NTM: variants seen among roughly 807,000 people sequenced by gnomAD.
NTM encodes the protein neurotrimin, also known as IgLON family member 2.
NTM carries 13 observed loss-of-function variants against 42.1 expected under a neutral mutation model. The ratio of observed to expected loss-of-function variants is 0.31; its 90% CI spans 0.20 to 0.49. The LOEUF (loss-of-function observed/expected upper bound fraction) is 0.49, where lower values mean the gene tolerates loss of function less well. Among genes scored for constraint, NTM ranks in the 20% least tolerant of loss-of-function variants. The pLI is 0.99. For synonymous variants in NTM, 187 were observed against 179.2 expected (o/e 1.04, Z -0.35); for missense variants, 373 against 452.8 (o/e 0.82, Z 1.60).
At chr11:132,252,143 G>A (rs1239471015) in intron 4 of NTM, among the ~76,000 whole-genome samples, 2 of 151,264 alleles carry the variant, frequency 1.3e-5, no homozygotes, top group East Asian at 1.9e-4. Context: ...TGGCCGCTCA[G>A]CGTCAGTTCT....
At chr11:131,486,566 T>A (rs1448008584) in intron 1 of NTM, among the ~76,000 whole-genome samples, 1 of 152,162 alleles carries the variant, frequency 6.6e-6, no homozygotes, top group African/African-American at 2.4e-5. Context: ...ATTCCCAGAT[T>A]GAGTTTTTCT....
At chr11:131,832,789 C>T (rs928186018) in intron 1 of NTM, among the ~76,000 whole-genome samples, 3 of 152,110 alleles carry the variant, frequency 2.0e-5, no homozygotes, top group Non-Finnish European at 2.9e-5. Flanking sequence ...TATGTATGTA[C>T]GTGCATATGT....
chr11:132,240,402 A>G (rs1367761399), intron 4 of NTM, among the ~76,000 whole-genome samples: 4 of 152,348 alleles, frequency 2.6e-5, no homozygotes. Context: ...TAATTTTGAA[A>G]TGGTGATTCT....
At chr11:132,035,981 T>G (rs2076466888) in intron 2 of NTM, among the ~76,000 whole-genome samples, 1 of 152,142 alleles carries the variant, frequency 6.6e-6, no homozygotes, top group Non-Finnish European at 1.5e-5. Flanking sequence ...AGCTGCATCA[T>G]TACGCGGGGG....
At chr11:132,251,423 C>T (rs1295265965) in intron 4 of NTM, among the ~76,000 whole-genome samples, 1 of 152,154 alleles carries the variant, frequency 6.6e-6, no homozygotes, top group Admixed American at 6.5e-5. Flanking sequence ...CTGTCTCATC[C>T]AGTTCCTTTG....
intron 1 of NTM, among the ~76,000 whole-genome samples, chr11:131,845,277 T>C (rs2044754030): frequency 6.6e-6 from 1 of 152,158 alleles, no homozygotes; most frequent in East Asian, 1.9e-4. Flanking sequence ...ACTAATTACA[T>C]CCAGAACCTG....
In NTM at chr11:132,307,766, A is replaced by G. The variant is rs756899379; in HGVS notation, c.604A>G (p.Ser202Gly). 1 of 1,614,104 alleles carries G rather than the reference A, an allele frequency of 6.2e-7. No individual in the cohort carries two copies. The highest frequency in any genetic ancestry group is 1.3e-5 in the African/African-American group (1 of 74,944). The change falls in exon 5 of 9, where the codon AGT becomes GGT. Residue 202 changes from serine to glycine, a missense_variant. This residue lies in a region of NTM where 312 missense variants were observed against 353.5 expected (regional missense o/e 0.88). Coordinates refer to ENST00000683400, the MANE Select transcript of NTM (RefSeq NM_001352005.2). ...GGAGCAGTCAGGGGACTACGAGTGCAGTGCCTCCAATGACGTGGCCGCGCC... is the reference window on the plus strand; with the variant it reads ...GGAGCAGTCAGGGGACTACGAGTGCGGTGCCTCCAATGACGTGGCCGCGCC... ...TREQSGDYEC[S>G]ASNDVAAPVV... is the part of the protein sequence containing the mutation.
intron 1 of NTM, among the ~76,000 whole-genome samples, chr11:131,786,207 T>C (rs1470655069): frequency 6.6e-6 from 1 of 152,150 alleles, no homozygotes; most frequent in Non-Finnish European, 1.5e-5. Context: ...TTAAGACAGG[T>C]CTTGGAGCTG....
intron 2 of NTM, among the ~76,000 whole-genome samples, chr11:132,074,768 A>G (rs190673051): frequency 6.6e-6 from 1 of 152,342 alleles, no homozygotes; most frequent in Admixed American, 6.5e-5. Context: ...CACAGTATGG[A>G]TAAGTTCTGG....
In NTM at chr11:131,795,877, G is replaced by T. The variant is rs190967479; in HGVS notation, c.83-115687G>T. 3.3e-4 allele frequency: 327 copies of T among 982,454 alleles called. 1 individual carries two copies. The Admixed American group carries it at 9.3e-3, about 28-fold the overall frequency. 60.9% of individuals were successfully genotyped at this position (982,454 alleles called of 1,614,324 possible). A position where few individuals can be genotyped will look rare whatever the true frequency, so the allele number is the denominator to read the frequency against. Reference sequence around the variant, plus strand: ...AGGGTGCTCCTGAACCATAGAGACCGCCTGCCTTGTCTAGTGTGGAGGGAT... The same window carrying T: ...AGGGTGCTCCTGAACCATAGAGACCTCCTGCCTTGTCTAGTGTGGAGGGAT... On this transcript the variant is annotated intron_variant, in intron 1 of 8. Transcript: ENST00000683400.
intron 1 of NTM, among the ~76,000 whole-genome samples, chr11:131,693,853 G>A (rs1204889727): frequency 2.0e-5 from 3 of 152,218 alleles, no homozygotes; most frequent in African/African-American, 7.2e-5. Context: ...AGCGAGAGAG[G>A]AGAAGCTGCT....
At chr11:132,010,878 ATAT>A (rs1031895760) in intron 2 of NTM, among the ~76,000 whole-genome samples, 2 of 151,962 alleles carry the variant, frequency 1.3e-5, no homozygotes, top group African/African-American at 4.8e-5. Flanking sequence ...GACTGAGGTT[ATAT>A]TCGCAGCTCT....
chr11:131,919,951 G>C (rs1365506777), intron 2 of NTM, among the ~76,000 whole-genome samples: 1 of 152,154 alleles, frequency 6.6e-6, no homozygotes, highest in Non-Finnish European at 1.5e-5. Flanking sequence ...TCTGTTTAGA[G>C]ATTCTTCAGT....
intron 1 of NTM, among the ~76,000 whole-genome samples, chr11:131,492,315 A>G (rs1417180677): frequency 2.0e-5 from 3 of 151,676 alleles, no homozygotes; most frequent in African/African-American, 7.2e-5. Context: ...TCACCCAGCT[A>G]TCAGTGGTGG....
At chr11:132,142,844 C>G (rs187214113) in intron 2 of NTM, among the ~76,000 whole-genome samples, 3 of 152,138 alleles carry the variant, frequency 2.0e-5, no homozygotes, top group African/African-American at 7.2e-5. Flanking sequence ...CCCTGTAGTG[C>G]GGTGCAGTGT....
intron 1 of NTM, among the ~76,000 whole-genome samples, chr11:131,752,529 C>G (rs1333965095): frequency 1.1e-4 from 16 of 152,142 alleles, no homozygotes; most frequent in Admixed American, 9.8e-4. Flanking sequence ...TTCAGCAATC[C>G]CATTACTGGG....
At chr11:131,935,282 G>A (rs79306508) in intron 2 of NTM, among the ~76,000 whole-genome samples, 5,120 of 152,262 alleles carry the variant, frequency 0.034, 130 homozygotes, top group Middle Eastern at 0.1. Flanking sequence ...AGATTTCTTT[G>A]CCACATTACT....
intron 1 of NTM, among the ~76,000 whole-genome samples, chr11:131,468,098 G>A (rs535413183): frequency 1.3e-5 from 2 of 152,350 alleles, no homozygotes; most frequent in African/African-American, 4.8e-5. Context: ...AGGGCATTTA[G>A]TACGGTGGCT....
intron 6 of NTM, among the ~76,000 whole-genome samples, chr11:132,310,677 C>G (rs1433835742): frequency 1.3e-5 from 2 of 152,164 alleles, no homozygotes; most frequent in African/African-American, 2.4e-5. Flanking sequence ...CTGTTCCAGA[C>G]ACTATCAGTA....
Sources: allele counts gnomAD v4.1 joint callset (sites outside exome capture counted in the v4.1 genomes callset), GRCh38; gene constraint gnomAD v4.1.1; regional missense constraint gnomAD v4.1.1; transcripts MANE v1.5; gene names NCBI Gene and HGNC (gene_info 2026-07-23, HGNC 2026-07-21).